Variants in HELZ observed in about 807,000 individuals in gnomAD.
The protein encoded by HELZ is helicase with zinc finger.
HELZ carries 23 observed loss-of-function variants against 218.2 expected under a neutral mutation model. The observed-to-expected ratio is 0.11, with a 90% CI of 0.08 to 0.15. The LOEUF (loss-of-function observed/expected upper bound fraction) is 0.15. Ranked by LOEUF, HELZ falls within the 10% of genes least tolerant of loss-of-function variation. The pLI, the probability that HELZ is intolerant of heterozygous loss-of-function variation, is 1.00. For missense variants in HELZ, 1,813 were observed against 2,353.7 expected (o/e 0.77, Z 4.75); for synonymous variants, 814 against 829.4 (o/e 0.98, Z 0.32).
chr17:67,237,211 G>C (rs1054302589), intron 3 of HELZ, among the ~76,000 whole-genome samples: 1 of 151,628 alleles, frequency 6.6e-6, no homozygotes, highest in Non-Finnish European at 1.5e-5. Flanking sequence ...CTTGAACCCA[G>C]GAGGCAGAGG....
chr17:67,078,113 G>C lies in HELZ; in HGVS notation c.*139C>G. On this transcript the variant is annotated 3_prime_UTR_variant, in exon 33 of 33. Coordinates refer to ENST00000358691, the MANE Select transcript of HELZ (RefSeq NM_014877.4). ...TTTAAAAAAATTAGTTGCAAGTCTAGCAGCAAAGCAATTAAGTGAGAACAT... is the reference window on the plus strand; with the variant it reads ...TTTAAAAAAATTAGTTGCAAGTCTACCAGCAAAGCAATTAAGTGAGAACAT... The C allele has an allele frequency of 1.6e-6, 1 of 618,598 alleles. No homozygotes were observed. The highest frequency in any genetic ancestry group is 2.3e-5 in the South Asian group (1 of 43,248). The allele number at this position is 618,598 out of a possible 1,614,324, so 38.3% of individuals were successfully genotyped here. A position where few individuals can be genotyped will look rare whatever the true frequency, so the allele number is the denominator to read the frequency against.
intron 3 of HELZ, chr17:67,224,909 C>T (rs2040849454): frequency 1.4e-6 from 1 of 732,952 alleles, no homozygotes; most frequent in African/African-American, 1.8e-5. Context: ...AAGGCTAAAA[C>T]TACAAAGACG....
intron 15 of HELZ, among the ~76,000 whole-genome samples, chr17:67,163,555 C>A (rs944761245): frequency 6.6e-6 from 1 of 151,096 alleles, no homozygotes; most frequent in African/African-American, 2.5e-5. Context: ...CCCACCACCA[C>A]GCTCGGCTAA....
intron 5 of HELZ, among the ~76,000 whole-genome samples, chr17:67,206,093 T>C (rs2143154483): frequency 6.6e-6 from 1 of 152,366 alleles, no homozygotes; most frequent in South Asian, 2.1e-4. Flanking sequence ...TTATTAAACT[T>C]GTCTCGGCTA....
At position 67,071,851 on chromosome 17, in the gene HELZ, T is replaced by C. The variant is rs2035893714; in HGVS notation, c.*6401A>G. 6.6e-6 allele frequency: 1 copy of C among 152,628 alleles called. No homozygotes were observed. Among genetic ancestry groups the C allele is most frequent in the South Asian group, 2.1e-4 (1 of 4,826 alleles). 9.5% of individuals were successfully genotyped at this position (152,628 alleles called of 1,614,324 possible). A position where few individuals can be genotyped will look rare whatever the true frequency, so the allele number is the denominator to read the frequency against. ...GTTTTGCAAACACATATAGATTTTT[T>C]TAAAGGTAGCAAAGTAATCAGAGAC... On this transcript the variant is annotated 3_prime_UTR_variant, in exon 33 of 33. Coordinates refer to ENST00000358691, the MANE Select transcript of HELZ (RefSeq NM_014877.4).
intron 31 of HELZ, among the ~76,000 whole-genome samples, chr17:67,100,234 A>G (rs2036883477): frequency 6.6e-6 from 1 of 152,218 alleles, no homozygotes; most frequent in African/African-American, 2.4e-5. Context: ...ATTTAAAACA[A>G]GAGTTGTTTG....
intron 24 of HELZ, 54 bp downstream of exon 24, chr17:67,128,597 T>G: frequency 6.8e-7 from 1 of 1,478,330 alleles, no homozygotes; most frequent in East Asian, 2.3e-5. Context: ...CCTTTGGCAC[T>G]TCTGCGAAGT....
chr17:67,212,062 A>G (rs1026045418), intron 5 of HELZ, among the ~76,000 whole-genome samples: 1 of 151,916 alleles, frequency 6.6e-6, no homozygotes, highest in Admixed American at 6.6e-5. Context: ...GTAAGAGAAC[A>G]GACATCAAGA....
chr17:67,236,039 C>T (rs564617157), intron 3 of HELZ, among the ~76,000 whole-genome samples: 3 of 152,110 alleles, frequency 2.0e-5, no homozygotes, highest in South Asian at 2.1e-4. Context: ...GGATTACAGG[C>T]GTGAGCCACT....
At position 67,230,661 on chromosome 17, in the gene HELZ, T is replaced by A. The variant is rs117154306; in HGVS notation, c.-19+8772A>T. On this transcript the variant is annotated intron_variant, in intron 3 of 32. Coordinates refer to ENST00000358691, the MANE Select transcript of HELZ (RefSeq NM_014877.4). ...CTGACTTCTAGAAAAGGTTACTGCT[T>A]GCCAAGAAAATTATATTACTATAAA... 2.6e-4 allele frequency among the ~76,000 whole-genome samples: 39 copies of A among 152,134 alleles called. 1 individual carries two copies. In the East Asian group the frequency reaches 6.2e-3, roughly 24 times the overall value.
At chr17:67,232,758 G>GGGTA (rs1212042680) in intron 3 of HELZ, among the ~76,000 whole-genome samples, 5 of 152,180 alleles carry the variant, frequency 3.3e-5, no homozygotes, top group African/African-American at 1.2e-4. Context: ...GTTGGACAAT[G>GGGTA]GGTACATGGG....
At chr17:67,109,758 C>A in intron 28 of HELZ, 72 bp from the exon 29 acceptor site, 1 of 1,070,418 alleles carries the variant, frequency 9.3e-7, no homozygotes, top group Non-Finnish European at 1.4e-6. Context: ...TTTTCCCAAC[C>A]CTAACACATC....
At chr17:67,169,659 T>C (rs1341333023) in intron 13 of HELZ, among the ~76,000 whole-genome samples, 3 of 152,150 alleles carry the variant, frequency 2.0e-5, no homozygotes, top group Non-Finnish European at 4.4e-5. Context: ...AAATGCATGT[T>C]CTTCTCACAT....
chr17:67,158,875 T>C (rs2038918441), intron 17 of HELZ, among the ~76,000 whole-genome samples: 2 of 152,188 alleles, frequency 1.3e-5, no homozygotes, highest in South Asian at 4.1e-4. Flanking sequence ...GTGACGGATT[T>C]AGTGTTCATC....
chr17:67,108,956 T>C lies in HELZ; in HGVS notation c.4489+160A>G, dbSNP rs1214342180. On this transcript the variant is annotated intron_variant, in intron 29 of 32. Transcript: ENST00000358691. This position sits in a 1 kb window ranked among gnomAD's most constrained non-coding sequence, Gnocchi z 4.1. ...TCCTGACATCCACTGGATACTATCA[T>C]ACAGCATTTAGAACTAGTTTCTGAT... Among the ~76,000 whole-genome samples the C allele has an allele frequency of 6.6e-6, 1 of 152,202 alleles. No homozygotes were observed. The highest frequency in any genetic ancestry group is 1.9e-4 in the East Asian group (1 of 5,198).
At chr17:67,135,175 T>C (rs1012624310) in intron 23 of HELZ, among the ~76,000 whole-genome samples, 2 of 152,184 alleles carry the variant, frequency 1.3e-5, no homozygotes, top group African/African-American at 4.8e-5. Flanking sequence ...TGAATACTAA[T>C]AATGCTACCG....
intron 21 of HELZ, among the ~76,000 whole-genome samples, chr17:67,143,905 T>C (rs549310694): frequency 2.6e-5 from 4 of 152,360 alleles, no homozygotes; most frequent in African/African-American, 7.2e-5. Flanking sequence ...CTTGAGGTTC[T>C]TGAACTTATA....
At chr17:67,222,788 T>C (rs1490730442) in intron 3 of HELZ, among the ~76,000 whole-genome samples, 1 of 152,224 alleles carries the variant, frequency 6.6e-6, no homozygotes, top group East Asian at 1.9e-4. Context: ...AAATGGACTA[T>C]GGATAATACG....
intron 15 of HELZ, among the ~76,000 whole-genome samples, chr17:67,163,326 T>C (rs917856417): frequency 2.0e-5 from 3 of 152,232 alleles, no homozygotes; most frequent in Non-Finnish European, 4.4e-5. Context: ...ACAGATATCA[T>C]GATAAACATT....
Sources: gnomAD v4.1 joint callset for allele counts (sites outside exome capture counted in the v4.1 genomes callset) on GRCh38, gnomAD v4.1.1 for gene constraint, Gnocchi (gnomAD v3.1) non-coding constraint, MANE v1.5 for transcripts, NCBI Gene and HGNC (gene_info 2026-07-23, HGNC 2026-07-21) for gene names.